PNPLA7: variants seen among roughly 807,000 people sequenced by gnomAD.
PNPLA7 encodes patatin-like phospholipase domain-containing protein 7.
A neutral mutation model predicts 161.7 loss-of-function variants in PNPLA7; 153 were observed. The observed-to-expected ratio is 0.95, with a 90% confidence interval of 0.83 to 1.08. The LOEUF is 1.08. PNPLA7 is among the 50% of genes least tolerant of loss of function. The pLI is 0.00. For synonymous variants in PNPLA7, 809 were observed against 782.1 expected, an observed-to-expected ratio of 1.03 and a Z score of -0.57; for missense variants, 1,739 against 1,856.6, an observed-to-expected ratio of 0.94 and a Z score of 1.16.
At chr9:137,485,788 G>A (rs58566354) in intron 20 of PNPLA7, among the ~76,000 whole-genome samples, 10,331 of 152,268 alleles carry the variant, frequency 0.068, 1,139 homozygotes, top group African/African-American at 0.23. Flanking sequence ...CAAGGGGCCC[G>A]CCCAGACAGG....
At chr9:137,518,271 C>G (rs1487303753) in intron 11 of PNPLA7, among the ~76,000 whole-genome samples, 1 of 142,304 alleles carries the variant, frequency 7.0e-6, no homozygotes, top group Non-Finnish European at 1.5e-5. Context: ...ACTCACTCCA[C>G]TCTGCTCACT....
At chr9:137,497,925 G>A (rs1564313511) in intron 17 of PNPLA7, among the ~76,000 whole-genome samples, 189 bp downstream of exon 17, 1 of 152,272 alleles carries the variant, frequency 6.6e-6, no homozygotes, top group Non-Finnish European at 1.5e-5. Flanking sequence ...TGGGTGTCAT[G>A]AAATCCAGGA....
At position 137,520,818 on chromosome 9, in the gene PNPLA7, G is replaced by A. The variant is rs2987631; in HGVS notation, c.958-775C>T. Among the ~76,000 whole-genome samples the A allele has an allele frequency of 0.034, 5,203 of 152,294 alleles. 261 individuals carry two copies. The highest frequency in any genetic ancestry group is 0.11 in the African/African-American group (4,582 of 41,552). ...TGACAATGCGCTGTACCCTCCAAAC[G>A]CGTCACAGTTCAGGGTCAGCTCCGC... is the stretch of plus-strand genomic sequence containing the variant. On this transcript the variant is annotated intron_variant, in intron 10 of 34. Coordinates refer to ENST00000406427, the MANE Select transcript of PNPLA7 (RefSeq NM_001098537.3). This position sits in a 1 kb window ranked among gnomAD's most constrained non-coding sequence, Gnocchi z 5.2.
At chr9:137,519,620 C>T (rs571563142) in intron 11 of PNPLA7, among the ~76,000 whole-genome samples, 54 of 151,940 alleles carry the variant, frequency 3.6e-4, no homozygotes, top group African/African-American at 1.1e-3. Context: ...GATGGGGACA[C>T]GTGAGGAGAC....
rs562216697 is a variant in PNPLA7, at chr9:137,539,776, TTTTTG to T, written c.747+861_747+865del. 3.5e-3 allele frequency among the ~76,000 whole-genome samples: 538 copies of T among 152,188 alleles called. 1 individual carries two copies. The highest frequency in any genetic ancestry group is 0.012 in the African/African-American group (505 of 41,520). On this transcript the variant is annotated intron_variant, in intron 8 of 34. Transcript: ENST00000406427. ...ATCATGAGACAACATGATACATGAT[TTTTTG>T]TTTTGTTTTGTTTTGTTTTTTGAGA...
chr9:137,543,143 A>C lies in PNPLA7; in HGVS notation c.506+289T>G, dbSNP rs1836301436. Among the ~76,000 whole-genome samples, 1 of 152,154 alleles carries C rather than the reference A, an allele frequency of 6.6e-6. No homozygotes were observed. Among genetic ancestry groups the C allele is most frequent in the Non-Finnish European group, 1.5e-5 (1 of 68,024 alleles). On this transcript the variant is annotated intron_variant, in intron 6 of 34. Coordinates refer to ENST00000406427, the MANE Select transcript of PNPLA7 (RefSeq NM_001098537.3). This position sits in a 1 kb window ranked among gnomAD's most constrained non-coding sequence, Gnocchi z 6.9. ...GCCAGGCAGCAAGACAGGAGCACAG[A>C]GCAGAACCCAGGCTCCAGGCTTTGG...
At chr9:137,477,266 G>A (rs761332350) in intron 25 of PNPLA7, among the ~76,000 whole-genome samples, 4 of 152,360 alleles carry the variant, frequency 2.6e-5, no homozygotes, top group Admixed American at 1.3e-4. Context: ...AGGAGAAGGT[G>A]GTGTCTGACG....
At chr9:137,466,707 G>A (rs1382570743) in intron 26 of PNPLA7, among the ~76,000 whole-genome samples, 2 of 137,518 alleles carry the variant, frequency 1.5e-5, no homozygotes, top group Admixed American at 7.2e-5. Flanking sequence ...CCTCAGACCC[G>A]GGCACGGATC....
chr9:137,531,928 C>T (rs1835600414), intron 8 of PNPLA7, among the ~76,000 whole-genome samples: 2 of 152,102 alleles, frequency 1.3e-5, no homozygotes, highest in South Asian at 4.1e-4. Flanking sequence ...TGCCTGTTTG[C>T]TGTGTCATGC....
Position 137,501,705 on chromosome 9 carries a change from C to A in PNPLA7, c.1496G>T (p.Arg499Leu). Residue 499 changes from arginine to leucine, a missense_variant, in exon 15 of 35, where the codon CGG becomes CTG. Arg to Leu is a moderately radical substitution (Grantham distance 102). Around this residue, in one of 6 missense-constraint regions of PNPLA7, gnomAD observed 481 missense variants for 450.0 expected, o/e 1.07. Coordinates refer to ENST00000406427, the MANE Select transcript of PNPLA7 (RefSeq NM_001098537.3). ...KLEDSSLLDG[R>L]VALLHVPAGT... Reference sequence around the variant, plus strand: ...TGCAGGAACGTGCAGAAGCGCCACCCGGCCATCCAACAGAGATGAGTCCTA... The same window carrying A: ...TGCAGGAACGTGCAGAAGCGCCACCAGGCCATCCAACAGAGATGAGTCCTA... 1 of 1,612,632 alleles carries A rather than the reference C, an allele frequency of 6.2e-7. No homozygotes were observed. The highest frequency in any genetic ancestry group is 8.5e-7 in the Non-Finnish European group (1 of 1,179,874).
At chr9:137,498,332 C>T in intron 16 of PNPLA7, 87 bp from the exon 17 acceptor site, 6 of 1,546,244 alleles carry the variant, frequency 3.9e-6, no homozygotes, top group Non-Finnish European at 5.2e-6. Flanking sequence ...TGGATGGGAC[C>T]CACAACCCCC....
At position 137,500,661 on chromosome 9, in the gene PNPLA7, C is replaced by T. The variant is rs558859073; in HGVS notation, c.1757+30G>A. On this transcript the variant is annotated intron_variant, in intron 16 of 34. Transcript: ENST00000406427. This position sits in a 1 kb window ranked among gnomAD's most constrained non-coding sequence, Gnocchi z 5.5. ...TCTCAGGGCAGGGGGGGCTGGGGCC[C>T]GCCCTGAGGTCCTGGCCCGTGGGAC... The T allele has an allele frequency of 7.7e-5, 123 of 1,602,664 alleles. No individual in the cohort carries two copies. Among genetic ancestry groups the T allele is most frequent in the South Asian group, 1.2e-4 (11 of 90,032 alleles).
intron 14 of PNPLA7, among the ~76,000 whole-genome samples, chr9:137,502,737 C>CGGGGGGGACCTGGGGGAT (rs1554767775): frequency 1.6e-5 from 1 of 62,904 alleles, no homozygotes; most frequent in African/African-American, 5.9e-5. Context: ...ACGGGGGGGA[C>CGGGGGGGACCTGGGGGAT]GAGAGGGATG....
chr9:137,538,242 C>T lies in PNPLA7; in HGVS notation c.747+2400G>A, dbSNP rs148139353. Among the ~76,000 whole-genome samples the T allele has an allele frequency of 2.2e-4, 33 of 152,280 alleles. No homozygotes were observed. In the East Asian group the frequency reaches 3.7e-3, roughly 17 times the overall value. The stretch of plus-strand genomic sequence containing the variant: ...CCGGCAGCCTCCCCAGCACAGGCCA[C>T]GCGTCACGTGAAGATACACAAGTCC... On this transcript the variant is annotated intron_variant, in intron 8 of 34. Coordinates refer to ENST00000406427, the MANE Select transcript of PNPLA7 (RefSeq NM_001098537.3).
At chr9:137,464,739 A>G (rs573665441) in intron 26 of PNPLA7, 4 of 441,222 alleles carry the variant, frequency 9.1e-6, no homozygotes, top group South Asian at 7.3e-5. Flanking sequence ...CAGCGCCCCC[A>G]TGCCTGGGGC....
At chr9:137,495,012 C>T in intron 19 of PNPLA7, 21 bp downstream of exon 19, 2 of 1,593,562 alleles carry the variant, frequency 1.3e-6, no homozygotes. Flanking sequence ...CGCTCCGCAT[C>T]CTCACCCACG....
chr9:137,522,206 C>A (rs1835038693), intron 9 of PNPLA7, among the ~76,000 whole-genome samples: 1 of 152,232 alleles, frequency 6.6e-6, no homozygotes, highest in Admixed American at 6.5e-5. Flanking sequence ...TCCCGAGTAG[C>A]TGGGACTACA....
At chr9:137,464,278 GT>G in intron 27 of PNPLA7, 61 bp downstream of exon 27, 1 of 1,606,386 alleles carries the variant, frequency 6.2e-7, no homozygotes, top group Non-Finnish European at 8.5e-7. Flanking sequence ...GGGCCAAGAG[GT>G]GGGGGGCCAG....
In PNPLA7 at chr9:137,542,651, G is replaced by C. The variant is rs1403039993; in HGVS notation, c.657C>G (p.Ile219Met). Residue 219 changes from isoleucine to methionine, a missense_variant, in exon 7 of 35, where the codon ATC (isoleucine) becomes ATG (methionine). Ile to Met is a conservative substitution (Grantham distance 10). This residue lies in a region of PNPLA7 where 152 missense variants were observed against 193.5 expected (regional missense o/e 0.79). Transcript: ENST00000406427. ...CCGCCCTGCGACTCACAGTGTCCTG[G>C]ATGCAGACCTCCAGCCGCCCGTCCT... is the stretch of plus-strand genomic sequence containing the variant. The part of the protein sequence containing the change: ...VVQDGRLEVC[I>M]QDTDGTEVVV... The C allele has an allele frequency of 6.2e-7, 1 of 1,608,172 alleles. No individual in the cohort carries two copies. The highest frequency in any genetic ancestry group is 8.5e-7 in the Non-Finnish European group (1 of 1,176,678).
Sources: gnomAD v4.1 joint callset for allele counts (sites outside exome capture counted in the v4.1 genomes callset) on GRCh38, gnomAD v4.1.1 for gene constraint, gnomAD v4.1.1 regional missense constraint, Gnocchi (gnomAD v3.1) non-coding constraint, MANE v1.5 for transcripts, NCBI Gene and HGNC (gene_info 2026-07-23, HGNC 2026-07-21) for gene names.